UVRAG: variants seen among roughly 807,000 people sequenced by gnomAD.
UVRAG encodes the protein UV radiation resistance-associated gene protein.
UVRAG carries 19 observed loss-of-function variants against 78.0 expected under a neutral mutation model. The observed-to-expected ratio is 0.24, with a 90% confidence interval of 0.17 to 0.36. UVRAG has a LOEUF of 0.36. Ranked by LOEUF, UVRAG falls within the 10% of genes least tolerant of loss-of-function variation. The pLI is 1.00. For synonymous variants in UVRAG, 323 were observed against 324.6 expected (o/e 1.00, Z 0.05); for missense variants, 740 against 853.8 (o/e 0.87, Z 1.66).
intron 12 of UVRAG, among the ~76,000 whole-genome samples, chr11:76,057,190 G>A (rs1451191829): frequency 6.7e-6 from 1 of 148,926 alleles, no homozygotes; most frequent in Non-Finnish European, 1.5e-5. Flanking sequence ...GTTCTAAGTA[G>A]GAGACTGGGT....
intron 1 of UVRAG, among the ~76,000 whole-genome samples, chr11:75,850,688 T>C (rs1158329090): frequency 6.6e-6 from 1 of 152,232 alleles, no homozygotes; most frequent in African/African-American, 2.4e-5. Flanking sequence ...CTGAAAGGGC[T>C]AATGAAAAGT....
In UVRAG at chr11:75,865,371, CTTCT is replaced by C. The variant is rs536364484; in HGVS notation, c.270+3596_270+3599del. ...ACTGTTCTTATGCCCTTATTCTGTG[CTTCT>C]TTCTAACTCTTGAATACTCCAGATC... On this transcript the variant is annotated intron_variant, in intron 3 of 14. Transcript: ENST00000356136. Among the ~76,000 whole-genome samples, 573 of 150,460 alleles carry C rather than the reference CTTCT, an allele frequency of 3.8e-3. 2 individuals are homozygous for C. Among genetic ancestry groups the C allele is most frequent in the South Asian group, 6.0e-3 (28 of 4,680 alleles).
At chr11:75,834,040 G>C (rs1480354460) in intron 1 of UVRAG, among the ~76,000 whole-genome samples, 1 of 152,158 alleles carries the variant, frequency 6.6e-6, no homozygotes, top group Non-Finnish European at 1.5e-5. Flanking sequence ...GTTCCCAACA[G>C]TTATCAACAT....
chr11:75,895,659 T>G (rs951002204), intron 5 of UVRAG, among the ~76,000 whole-genome samples: 1 of 149,458 alleles, frequency 6.7e-6, no homozygotes, highest in Non-Finnish European at 1.5e-5. Flanking sequence ...GAAAAAAAAA[T>G]AGAGATGAGG....
At chr11:75,839,391 T>C (rs1329245680) in intron 1 of UVRAG, among the ~76,000 whole-genome samples, 1 of 152,132 alleles carries the variant, frequency 6.6e-6, no homozygotes, top group Non-Finnish European at 1.5e-5. Flanking sequence ...AAAATAATTG[T>C]TCATGGTTTC....
rs748549045 is a variant in UVRAG at position 75,851,994 on chromosome 11, T to C, written c.229T>C (p.Tyr77His). The change falls in exon 2 of 15, where the codon TAT (tyrosine) becomes CAT (histidine). Residue 77 changes from tyrosine (Y) to histidine (H), a missense_variant. Tyr to His is a moderately conservative substitution (Grantham distance 83). Transcript: ENST00000356136. The stretch of plus-strand genomic sequence containing the variant: ...TCACTTGTGTAGTACTGAAAAGATA[T>C]ATAAAGGTAAGGGGATCTGTGGCCT... ...TLHLCSTEKIYKEFYRSEVIK... is the reference protein window; with the variant it reads ...TLHLCSTEKIHKEFYRSEVIK... 8.1e-6 allele frequency: 13 copies of C among 1,596,484 alleles called. No individual in the cohort carries two copies. The highest frequency in any genetic ancestry group is 3.4e-5 in the South Asian group (3 of 88,100).
intron 13 of UVRAG, among the ~76,000 whole-genome samples, chr11:76,071,066 A>G (rs1951297816): frequency 6.6e-6 from 1 of 152,200 alleles, no homozygotes; most frequent in Non-Finnish European, 1.5e-5. Flanking sequence ...AAAGAAAAAG[A>G]AAGATCCCTG....
At chr11:75,828,801 A>ATTTTTTT (rs1354813765) in intron 1 of UVRAG, among the ~76,000 whole-genome samples, 1 of 74,930 alleles carries the variant, frequency 1.3e-5, no homozygotes, top group Non-Finnish European at 2.6e-5. Context: ...ATATATATAT[A>ATTTTTTT]TATATTTTTT....
In UVRAG at chr11:76,140,864, A is replaced by T; in HGVS notation, c.1551A>T (p.Lys517Asn). The T allele has an allele frequency of 6.2e-7, 1 of 1,614,062 alleles. No homozygotes were observed. The highest frequency in any genetic ancestry group is 8.5e-7 in the Non-Finnish European group (1 of 1,180,016). The change falls in exon 15 of 15, where the codon AAA becomes AAT. Residue 517 changes from lysine to asparagine, a missense_variant. Physicochemically the swap from Lys to Asn is moderately conservative, Grantham distance 94. Coordinates refer to ENST00000356136, the MANE Select transcript of UVRAG (RefSeq NM_003369.4). ...ASSENERLQY[K>N]TPPPSYNSAL... ...CTGAGAATGAGAGACTTCAGTACAA[A>T]ACCCCTCCTCCCAGTTACAACTCAG...
intron 14 of UVRAG, among the ~76,000 whole-genome samples, chr11:76,127,520 A>T (rs1252607928): frequency 6.6e-6 from 1 of 151,728 alleles, no homozygotes; most frequent in African/African-American, 2.4e-5. Context: ...GTGTGGTGGT[A>T]CACGCCTGTA....
chr11:75,977,222 T>C (rs2135257298), intron 7 of UVRAG, among the ~76,000 whole-genome samples: 1 of 152,354 alleles, frequency 6.6e-6, no homozygotes, highest in South Asian at 2.1e-4. Flanking sequence ...GATTGCACTG[T>C]GGTCTGAGAG....
At chr11:75,846,851 T>C (rs909456135) in intron 1 of UVRAG, among the ~76,000 whole-genome samples, 2 of 151,572 alleles carry the variant, frequency 1.3e-5, no homozygotes, top group African/African-American at 4.9e-5. Flanking sequence ...TGAGACGGAG[T>C]CTTGCTCTGT....
At chr11:76,065,407 G>T (rs1156868822) in intron 12 of UVRAG, among the ~76,000 whole-genome samples, 1 of 152,194 alleles carries the variant, frequency 6.6e-6, no homozygotes, top group Non-Finnish European at 1.5e-5. Flanking sequence ...AGCTAAGGTG[G>T]CAAGTTTATG....
At chr11:75,991,179 GC>G (rs909149223) in intron 8 of UVRAG, among the ~76,000 whole-genome samples, 1 of 152,186 alleles carries the variant, frequency 6.6e-6, no homozygotes, top group Non-Finnish European at 1.5e-5. Context: ...TGTTAGAATG[GC>G]CCCAAATAAA....
chr11:76,041,201 G>A (rs1200340264), intron 12 of UVRAG, among the ~76,000 whole-genome samples: 6 of 144,810 alleles, frequency 4.1e-5, no homozygotes, highest in African/African-American at 1.7e-4. Context: ...ATTATGGTCT[G>A]ATGGATTTAT....
intron 8 of UVRAG, among the ~76,000 whole-genome samples, chr11:75,994,163 G>A (rs1011381469): frequency 6.6e-6 from 1 of 152,204 alleles, no homozygotes; most frequent in Non-Finnish European, 1.5e-5. Context: ...CTTCAGTGGT[G>A]CCTGGGAAGT....
chr11:75,823,258 T>C (rs1945439178), intron 1 of UVRAG, among the ~76,000 whole-genome samples: 1 of 152,190 alleles, frequency 6.6e-6, no homozygotes, highest in Non-Finnish European at 1.5e-5. Flanking sequence ...AGGTTACTCT[T>C]CCTCCCCTTC....
In UVRAG at chr11:76,072,347, G is replaced by A. The variant is rs373105012; in HGVS notation, c.1305+6559G>A. On this transcript the variant is annotated intron_variant, in intron 13 of 14. Coordinates refer to ENST00000356136, the MANE Select transcript of UVRAG (RefSeq NM_003369.4). ...GGAGATGACTATGGGATTAAGGGAA[G>A]TTTCTTTTTGTTTTTGTTTTTGTTT... Among the ~76,000 whole-genome samples, 365 of 152,284 alleles carry A rather than the reference G, an allele frequency of 2.4e-3. 3 individuals are homozygous for A. Among genetic ancestry groups the A allele is most frequent in the African/African-American group, 8.5e-3 (355 of 41,568 alleles).
chr11:75,961,859 C>T (rs1043253777), intron 7 of UVRAG, among the ~76,000 whole-genome samples: 1 of 151,510 alleles, frequency 6.6e-6, no homozygotes, highest in Non-Finnish European at 1.5e-5. Context: ...AAAATAGCCG[C>T]CAGGAGGAAA....
Sources: gnomAD v4.1 joint callset for allele counts (sites outside exome capture counted in the v4.1 genomes callset) on GRCh38, gnomAD v4.1.1 for gene constraint, MANE v1.5 for transcripts, NCBI Gene and HGNC (gene_info 2026-07-23, HGNC 2026-07-21) for gene names.